The following STRA6 variants were observed in gnomAD, a reference collection of about 807,000 sequenced individuals.
STRA6 encodes the protein receptor for retinol uptake STRA6.
A neutral mutation model predicts 83.6 loss-of-function variants in STRA6; 48 were observed. The observed-to-expected ratio is 0.57, with a 90% CI of 0.46 to 0.73. STRA6 has a LOEUF of 0.73. STRA6 is among the 30% of genes least tolerant of loss of function. The probability of loss-of-function intolerance (pLI) is 0.00; values close to 1 mark genes in which losing one functional copy is unlikely to be tolerated. For missense variants in STRA6, 760 were observed against 838.8 expected (o/e 0.91, Z 1.16); for synonymous variants, 353 against 362.3 (o/e 0.97, Z 0.29).
Position 74,181,021 on chromosome 15 carries a change from G to A in STRA6, c.1685-84C>T. The stretch of plus-strand genomic sequence containing the variant: ...AGACATCCCCTAACACACACACAGG[G>A]AGTGCACGTGCACTCCCTGCATCCA... On this transcript the variant is annotated intron_variant, in intron 17 of 18. Transcript: ENST00000395105. 8 of 1,564,930 alleles carry A rather than the reference G, an allele frequency of 5.1e-6. No homozygotes were observed. In the South Asian group the frequency reaches 9.1e-5, roughly 18 times the overall value.
chr15:74,195,003 A>G, intron 7 of STRA6: 1 of 1,432,966 alleles, frequency 7.0e-7, no homozygotes, highest in Non-Finnish European at 9.1e-7. Context: ...TCACTAACAC[A>G]GGCATTGGGG....
At chr15:74,195,186 A>C in intron 7 of STRA6, 116 bp downstream of exon 7, 1 of 1,536,712 alleles carries the variant, frequency 6.5e-7, no homozygotes, top group African/African-American at 1.4e-5. Flanking sequence ...AATCCCATGC[A>C]CAATGGAAGG....
At chr15:74,183,560 GA>G (rs2073094293) in intron 14 of STRA6, 2 of 1,250,040 alleles carry the variant, frequency 1.6e-6, no homozygotes, top group Non-Finnish European at 2.0e-6. Context: ...GTACCATTTT[GA>G]ATTTGACACC....
At chr15:74,211,404 T>C, upstream of STRA6, among the ~76,000 whole-genome samples, 1 of 146,640 alleles carries the variant, frequency 6.8e-6, no homozygotes, top group Non-Finnish European at 1.5e-5. Flanking sequence ...TTTTTTTTTT[T>C]TTTTTTTTTT....
At chr15:74,206,122 C>A (rs569693914), upstream of STRA6, among the ~76,000 whole-genome samples, 521 of 152,304 alleles carry the variant, frequency 3.4e-3, 5 homozygotes, top group African/African-American at 0.012. Flanking sequence ...CCCACAAGGC[C>A]CCCGTCCCTG....
At chr15:74,183,724 T>C (rs2073104155) in intron 14 of STRA6, 132 bp downstream of exon 14, 8 of 1,592,158 alleles carry the variant, frequency 5.0e-6, no homozygotes, top group Non-Finnish European at 6.0e-6. Flanking sequence ...CCCTCCTTCT[T>C]GCTGCTGCCC....
In STRA6 at chr15:74,190,944, A is replaced by G. The variant is rs540083317; in HGVS notation, c.866-43T>C. 63 of 1,613,024 alleles carry G rather than the reference A, an allele frequency of 3.9e-5. No individual in the cohort carries two copies. In the South Asian group the frequency reaches 6.8e-4, roughly 17 times the overall value. On this transcript the variant is annotated intron_variant, in intron 10 of 18. Transcript: ENST00000395105. Reference sequence around the variant, plus strand: ...AGGAGTATGGTGAACAGCACCACTCAGGCCCGGGAGCCCTCCTCCCTCCCA... The same window carrying G: ...AGGAGTATGGTGAACAGCACCACTCGGGCCCGGGAGCCCTCCTCCCTCCCA...
At chr15:74,197,530 C>A in intron 3 of STRA6, 107 bp from the exon 4 acceptor site, 1 of 1,129,828 alleles carries the variant, frequency 8.9e-7, no homozygotes, top group Non-Finnish European at 1.3e-6. Flanking sequence ...CTGCCCAGTG[C>A]ACACTCATGT....
Position 74,182,401 on chromosome 15 carries a change from G to A in STRA6, c.1360C>T (p.Leu454Phe). The A allele has an allele frequency of 6.2e-7, 1 of 1,613,464 alleles. No homozygotes were observed. The highest frequency in any genetic ancestry group is 8.5e-7 in the Non-Finnish European group (1 of 1,179,682). ...LGTTALAFLV[L>F]MPVLHGRNLL... is the part of the protein sequence containing the mutation. ...TTCCTGCCATGGAGCACAGGCATGAGCACCAGGAAGGCCAGGGCCGTGGTT... is the reference window on the plus strand; with the variant it reads ...TTCCTGCCATGGAGCACAGGCATGAACACCAGGAAGGCCAGGGCCGTGGTT... The change falls in exon 15 of 19, where the codon CTC (leucine) becomes TTC (phenylalanine). Residue 454 changes from leucine (L) to phenylalanine (F), a missense_variant. Physicochemically the swap from Leu to Phe is conservative, Grantham distance 22. Transcript: ENST00000395105.
intron 14 of STRA6, 107 bp downstream of exon 14, chr15:74,183,745 CCAGA>C (rs1324092972): frequency 6.2e-7 from 1 of 1,601,156 alleles, no homozygotes; most frequent in Admixed American, 1.7e-5. Context: ...CAGAGCATTC[CCAGA>C]CAAACTCTGA....
chr15:74,209,242 T>C (rs1391592537), upstream of STRA6: 1 of 1,150,900 alleles, frequency 8.7e-7, no homozygotes, highest in Non-Finnish European at 1.2e-6. Flanking sequence ...AACCGTTTGC[T>C]CGAAACTTGA....
In STRA6 at chr15:74,182,536, C is replaced by A. The variant is rs982462696; in HGVS notation, c.1301-76G>T. On this transcript the variant is annotated intron_variant, in intron 14 of 18. Transcript: ENST00000395105. Reference sequence around the variant, plus strand: ...TGGCCATCCCCGCTGCCCCCAGAACCAAGGGCTTTGGGATTGGGCAGGCCT... The same window carrying A: ...TGGCCATCCCCGCTGCCCCCAGAACAAAGGGCTTTGGGATTGGGCAGGCCT... The A allele has an allele frequency of 1.2e-5, 15 of 1,287,232 alleles. No homozygotes were observed. In the Admixed American group the frequency reaches 2.6e-4, roughly 22 times the overall value. 79.7% of individuals were successfully genotyped at this position (1,287,232 alleles called of 1,614,324 possible). A position where few individuals can be genotyped will look rare whatever the true frequency, so the allele number is the denominator to read the frequency against.
upstream of STRA6, among the ~76,000 whole-genome samples, chr15:74,211,776 C>A (rs1328623553): frequency 6.6e-6 from 1 of 152,048 alleles, no homozygotes; most frequent in Non-Finnish European, 1.5e-5. Flanking sequence ...TCTGCCTGTC[C>A]CTGGTATGCC....
Position 74,180,863 on chromosome 15 carries a change from G to A in STRA6, c.1759C>T (p.Leu587=), listed in dbSNP as rs1378671619. The change falls in exon 18 of 19, where the codon CTG becomes TTG. Residue 587 remains leucine, a synonymous_variant. Transcript: ENST00000395105. ...AGGAGGCTCTGCGCTTGCAGGAGCA[G>A]GGAGCAGAAGGCTGTCATGGCTGGA... ...SHPAMTAFCS[L]LLQAQSLLPR... is the part of the protein sequence containing the mutation. 6 of 1,614,020 alleles carry A rather than the reference G, an allele frequency of 3.7e-6. No individual in the cohort carries two copies. Among genetic ancestry groups the A allele is most frequent in the Non-Finnish European group, 5.1e-6 (6 of 1,180,002 alleles).
In STRA6 at chr15:74,202,743, C is replaced by T; in HGVS notation, c.-46G>A. On this transcript the variant is annotated 5_prime_UTR_variant, in exon 1 of 19. Transcript: ENST00000395105. ...GGGAGGCCCAGGGAGGAAGGAGTTG[C>T]AGAGATGAAAGGGTAGGCAGCCCAC... The T allele has an allele frequency of 3.2e-6, 4 of 1,237,370 alleles. No homozygotes were observed. The highest frequency in any genetic ancestry group is 4.0e-6 in the Non-Finnish European group (4 of 991,128). The allele number at this position is 1,237,370 out of a possible 1,614,324, so 76.6% of individuals were successfully genotyped here. A position where few individuals can be genotyped will look rare whatever the true frequency, so the allele number is the denominator to read the frequency against.
intron 7 of STRA6, chr15:74,194,666 G>T: frequency 1.1e-6 from 1 of 886,952 alleles, no homozygotes; most frequent in Non-Finnish European, 1.5e-6. Flanking sequence ...TGTTTGTCTT[G>T]TTCATAGCTG....
chr15:74,209,103 G>A (rs925772176), upstream of STRA6: 115 of 1,297,332 alleles, frequency 8.9e-5, no homozygotes, highest in Non-Finnish European at 1.0e-4. Context: ...CAGACCTCCC[G>A]CCCTTGATTC....
At chr15:74,190,506 A>C (rs1398843543) in intron 11 of STRA6, among the ~76,000 whole-genome samples, 1 of 152,146 alleles carries the variant, frequency 6.6e-6, no homozygotes, top group African/African-American at 2.4e-5. Flanking sequence ...TCAAAGAGGA[A>C]AATTATTCTA....
upstream of STRA6, chr15:74,212,248 A>C (rs1042467808): frequency 1.3e-5 from 2 of 152,384 alleles, no homozygotes; most frequent in Non-Finnish European, 2.9e-5. Context: ...CTGGTGGAGC[A>C]GCCAAGCAAC....
Sources: gnomAD v4.1 joint callset for allele counts (sites outside exome capture counted in the v4.1 genomes callset) on GRCh38, gnomAD v4.1.1 for gene constraint, MANE v1.5 for transcripts, NCBI Gene and HGNC (gene_info 2026-07-23, HGNC 2026-07-21) for gene names.